VPS13B: variants seen among roughly 807,000 people sequenced by gnomAD.
VPS13B encodes the protein intermembrane lipid transfer protein VPS13B.
Under a neutral mutation model 426.4 loss-of-function variants are expected in VPS13B, and 285 were observed. That is an observed-to-expected ratio of 0.67 (90% CI 0.61 to 0.74). The LOEUF is 0.74. Among genes scored for constraint, VPS13B ranks in the 30% least tolerant of loss-of-function variants. The pLI is 0.00. For synonymous variants in VPS13B, 1,676 were observed against 1,676.4 expected (o/e 1.00, Z 0.01); for missense variants, 4,537 against 4,782.6 (o/e 0.95, Z 1.51).
chr8:99,730,631 C>A (rs781483849), intron 39 of VPS13B, among the ~76,000 whole-genome samples: 2 of 151,890 alleles, frequency 1.3e-5, no homozygotes, highest in Non-Finnish European at 2.9e-5. Context: ...GAGAGAGAGA[C>A]ACAAAAGTGG....
At chr8:99,394,708 C>T (rs761705801) in intron 21 of VPS13B, among the ~76,000 whole-genome samples, 15 of 152,122 alleles carry the variant, frequency 9.9e-5, no homozygotes, top group Non-Finnish European at 2.1e-4. Context: ...GAAAACTTAA[C>T]AAGCAGAATA....
Position 99,642,026 on chromosome 8 carries a change from T to G in VPS13B, c.5436T>G (p.Phe1812Leu), listed in dbSNP as rs2133931748. The G allele has an allele frequency of 6.2e-7, 1 of 1,614,098 alleles. No individual in the cohort carries two copies. The highest frequency in any genetic ancestry group is 8.5e-7 in the Non-Finnish European group (1 of 1,180,002). ...TAAAAAATCTAAATTTTATTCCCTT[T>G]GACATATTTATTACTGCAAGTAGAA... ...SIVKNLNFIP[F>L]DIFITASRIS... The change falls in exon 34 of 62, where the codon TTT becomes TTG. Residue 1812 changes from phenylalanine to leucine, a missense_variant. Physicochemically the swap from Phe to Leu is conservative, Grantham distance 22. Around this residue, in one of 2 missense-constraint regions of VPS13B, gnomAD observed 4,311 missense variants for 4,474.3 expected, o/e 0.96. Coordinates refer to ENST00000357162, the MANE Select transcript of VPS13B (RefSeq NM_152564.5).
At chr8:99,626,757 C>T (rs1344029491) in intron 33 of VPS13B, among the ~76,000 whole-genome samples, 1 of 152,136 alleles carries the variant, frequency 6.6e-6, no homozygotes, top group Non-Finnish European at 1.5e-5. Flanking sequence ...ATAGAACTAT[C>T]ATGTGATCCA....
At chr8:99,385,823 A>G (rs1332020682) in intron 20 of VPS13B, among the ~76,000 whole-genome samples, 2 of 152,176 alleles carry the variant, frequency 1.3e-5, no homozygotes, top group Non-Finnish European at 2.9e-5. Context: ...TTTTAGACTG[A>G]ACTGTTTGAG....
intron 59 of VPS13B, among the ~76,000 whole-genome samples, chr8:99,869,294 G>C (rs533419471): frequency 1.1e-3 from 162 of 152,196 alleles, no homozygotes; most frequent in Non-Finnish European, 2.1e-3. Context: ...GTCTGCATCC[G>C]CATCTGGCCA....
chr8:99,694,653 C>T (rs754773699), intron 35 of VPS13B, among the ~76,000 whole-genome samples: 4,237 of 133,294 alleles, frequency 0.032, 94 homozygotes, highest in African/African-American at 0.067. Flanking sequence ...ACTTCATGTC[C>T]AAAACACCAA....
intron 59 of VPS13B, among the ~76,000 whole-genome samples, chr8:99,870,257 C>G (rs1325697084): frequency 6.6e-6 from 1 of 152,142 alleles, no homozygotes; most frequent in Non-Finnish European, 1.5e-5. Context: ...CAGCCTCCAA[C>G]TCCTGGGCTC....
At chr8:99,781,205 A>G (rs1295999544) in intron 42 of VPS13B, among the ~76,000 whole-genome samples, 1 of 152,164 alleles carries the variant, frequency 6.6e-6, no homozygotes, top group Non-Finnish European at 1.5e-5. Context: ...TTTCCCTTTT[A>G]TAAATGATGA....
chr8:99,433,455 A>G (rs1286687337), intron 22 of VPS13B, among the ~76,000 whole-genome samples: 1 of 152,228 alleles, frequency 6.6e-6, no homozygotes, highest in South Asian at 2.1e-4. Flanking sequence ...GCCAGAAGAC[A>G]ATAGAATAAC....
At position 99,507,161 on chromosome 8, in the gene VPS13B, A is replaced by T. The variant is rs773538295; in HGVS notation, c.4182A>T (p.Gly1394=). ...RSRPGEGWQS[G]HFEGVFLQCK... is the part of the protein sequence containing the mutation. ...GGCCAGGGGAAGGTTGGCAGTCAGG[A>T]CATTTTGAAGGAGTATTTCTACAAT... Residue 1394 remains glycine, a synonymous_variant, in exon 28 of 62, where the codon GGA becomes GGT. Transcript: ENST00000357162. 6.2e-7 allele frequency: 1 copy of T among 1,613,994 alleles called. No individual in the cohort carries two copies. The highest frequency in any genetic ancestry group is 1.7e-5 in the Admixed American group (1 of 60,012).
At chr8:99,130,543 A>G (rs1809729322) in intron 8 of VPS13B, among the ~76,000 whole-genome samples, 1 of 151,978 alleles carries the variant, frequency 6.6e-6, no homozygotes, top group Non-Finnish European at 1.5e-5. Flanking sequence ...GCCCGCCACC[A>G]TGCCCGGCTA....
intron 33 of VPS13B, among the ~76,000 whole-genome samples, chr8:99,639,985 GTAA>G (rs58877812): frequency 0.24 from 19,605 of 80,692 alleles, 2,934 homozygotes; most frequent in Middle Eastern, 0.28. Context: ...TTTAAAAATA[GTAA>G]TAATAATAAT....
intron 17 of VPS13B, among the ~76,000 whole-genome samples, chr8:99,265,572 A>C (rs954170639): frequency 2.6e-5 from 4 of 152,208 alleles, no homozygotes; most frequent in African/African-American, 9.6e-5. Flanking sequence ...CTCCAAAGTA[A>C]ACCCTTTAGT....
intron 54 of VPS13B, among the ~76,000 whole-genome samples, chr8:99,843,894 T>C (rs1335563737): frequency 6.6e-6 from 1 of 152,232 alleles, no homozygotes. Context: ...CTTACCTATT[T>C]GGTTCCAGAA....
At chr8:99,184,241 G>A (rs972681961) in intron 16 of VPS13B, among the ~76,000 whole-genome samples, 4 of 152,166 alleles carry the variant, frequency 2.6e-5, no homozygotes, top group African/African-American at 7.2e-5. Flanking sequence ...GATACCTACA[G>A]GGGTATGGTT....
intron 46 of VPS13B, 39 bp from the exon 47 acceptor site, chr8:99,818,674 A>T (rs1275867010): frequency 6.2e-7 from 1 of 1,612,356 alleles, no homozygotes. Context: ...ACTGCAACAA[A>T]GCAAATATGA....
chr8:99,236,265 T>C (rs1816642789), intron 17 of VPS13B, among the ~76,000 whole-genome samples: 1 of 152,258 alleles, frequency 6.6e-6, no homozygotes, highest in African/African-American at 2.4e-5. Flanking sequence ...TTTTTTTTTT[T>C]TAAAGACAGA....
chr8:99,395,505 GT>G (rs1239066198), intron 21 of VPS13B, among the ~76,000 whole-genome samples: 1 of 152,156 alleles, frequency 6.6e-6, no homozygotes, highest in East Asian at 1.9e-4. Context: ...GGCCTCAGTA[GT>G]GGGGCTAAAC....
intron 39 of VPS13B, 92 bp from the exon 40 acceptor site, chr8:99,766,682 T>C: frequency 4.4e-6 from 5 of 1,148,836 alleles, no homozygotes; most frequent in Non-Finnish European, 6.2e-6. Flanking sequence ...GTCTTAATGT[T>C]ATAATTTTTA....
Sources: allele counts gnomAD v4.1 joint callset (sites outside exome capture counted in the v4.1 genomes callset), GRCh38; gene constraint gnomAD v4.1.1; regional missense constraint gnomAD v4.1.1; transcripts MANE v1.5; gene names NCBI Gene and HGNC (gene_info 2026-07-23, HGNC 2026-07-21).